Variants in PRELID2 observed in about 807,000 individuals in gnomAD.
PRELID2 encodes the protein PRELI domain-containing protein 2.
Under a neutral mutation model 28.4 loss-of-function variants are expected in PRELID2, and 25 were observed. The ratio of observed to expected loss-of-function variants is 0.88; its 90% CI spans 0.64 to 1.23. PRELID2 has a LOEUF of 1.23. Among genes scored for constraint, PRELID2 ranks in the 50% most tolerant of loss-of-function variants. The pLI, the probability that PRELID2 is intolerant of heterozygous loss-of-function variation, is 0.00. For missense variants in PRELID2, 201 were observed against 214.4 expected (o/e 0.94, Z 0.39); for synonymous variants, 76 against 71.6 (o/e 1.06, Z -0.31).
chr5:145,375,363 C>G, the PRELID2 span, among the ~76,000 whole-genome samples: 2 of 152,112 alleles, frequency 1.3e-5, no homozygotes, highest in East Asian at 1.9e-4. Context: ...CTTCAGGAAT[C>G]TCTGACCTCA....
At chr5:145,507,425 T>C (rs1752421536) in intron 1 of PRELID2, among the ~76,000 whole-genome samples, 1 of 152,106 alleles carries the variant, frequency 6.6e-6, no homozygotes, top group South Asian at 2.1e-4. Flanking sequence ...GAGAGTAGCA[T>C]GTAGTAAGAT....
At chr5:145,746,299 C>A (rs1756990094) in intron 1 of PRELID2, among the ~76,000 whole-genome samples, 1 of 151,864 alleles carries the variant, frequency 6.6e-6, no homozygotes, top group East Asian at 1.9e-4. Flanking sequence ...CACATGGGCT[C>A]AAAATAAAGG....
At chr5:145,689,399 A>G (rs1755100386) in intron 1 of PRELID2, among the ~76,000 whole-genome samples, 1 of 152,194 alleles carries the variant, frequency 6.6e-6, no homozygotes, top group African/African-American at 2.4e-5. Flanking sequence ...ACAGAAAGGA[A>G]CAAGGCCCTG....
chr5:145,254,736 C>T, the PRELID2 span, among the ~76,000 whole-genome samples: 1 of 151,848 alleles, frequency 6.6e-6, no homozygotes, highest in Non-Finnish European at 1.5e-5. Flanking sequence ...TTTCAAAAAC[C>T]CGGCAGGCAT....
At chr5:145,740,675 AT>A (rs1231733491) in intron 1 of PRELID2, among the ~76,000 whole-genome samples, 4 of 53,366 alleles carry the variant, frequency 7.5e-5, no homozygotes, top group East Asian at 6.0e-4. Flanking sequence ...ATAAATATAT[AT>A]TTTATATTTA....
chr5:145,369,174 T>C, the PRELID2 span, among the ~76,000 whole-genome samples: 2 of 151,990 alleles, frequency 1.3e-5, no homozygotes, highest in Admixed American at 1.3e-4. Flanking sequence ...TTTTAAGTTC[T>C]GGAATACATA....
At chr5:145,520,265 G>A (rs186239417) in intron 1 of PRELID2, among the ~76,000 whole-genome samples, 13 of 152,276 alleles carry the variant, frequency 8.5e-5, no homozygotes, top group Middle Eastern at 3.4e-3. Context: ...GACTTCAATA[G>A]CAGCCATTCC....
At chr5:145,450,920 A>G in the PRELID2 span, 1 of 152,172 alleles carries the variant, frequency 6.6e-6, no homozygotes. Context: ...CACATCAGCT[A>G]TCTCATTTAA....
chr5:145,717,062 G>A (rs1755863787), intron 1 of PRELID2, among the ~76,000 whole-genome samples: 1 of 152,074 alleles, frequency 6.6e-6, no homozygotes, highest in East Asian at 1.9e-4. Context: ...AACTATATAA[G>A]AAGATATGGA....
chr5:145,572,162 T>C (rs1046933546), intron 1 of PRELID2, among the ~76,000 whole-genome samples: 7 of 152,174 alleles, frequency 4.6e-5, no homozygotes, highest in African/African-American at 1.7e-4. Flanking sequence ...AAAAAACCAA[T>C]TGCCAATCAG....
intron 1 of PRELID2, among the ~76,000 whole-genome samples, chr5:145,671,374 C>T (rs918999439): frequency 3.0e-4 from 46 of 152,128 alleles, no homozygotes; most frequent in African/African-American, 9.9e-4. Flanking sequence ...TGTTCTGTTT[C>T]CCAGAGTCCA....
chr5:145,803,035 T>C (rs1753242891), intron 4 of PRELID2, among the ~76,000 whole-genome samples: 1 of 152,186 alleles, frequency 6.6e-6, no homozygotes, highest in Non-Finnish European at 1.5e-5. Context: ...GATGGGAATC[T>C]AATTAAAGTG....
chr5:145,556,468 T>C (rs1561505657), intron 1 of PRELID2, among the ~76,000 whole-genome samples: 1 of 152,172 alleles, frequency 6.6e-6, no homozygotes, highest in Admixed American at 6.5e-5. Context: ...GCTATTTATT[T>C]CTTTCCATAA....
chr5:145,424,944 T>G, the PRELID2 span, among the ~76,000 whole-genome samples: 1 of 151,980 alleles, frequency 6.6e-6, no homozygotes, highest in African/African-American at 2.4e-5. Context: ...CTAAAGACCT[T>G]CTGCACAGCA....
the PRELID2 span, among the ~76,000 whole-genome samples, chr5:145,388,816 T>C: frequency 4.6e-4 from 70 of 152,282 alleles, no homozygotes; most frequent in Non-Finnish European, 6.3e-4. Context: ...GACCACCCAA[T>C]TTAAAGTAAC....
At chr5:145,417,626 A>C in the PRELID2 span, among the ~76,000 whole-genome samples, 18 of 152,174 alleles carry the variant, frequency 1.2e-4, no homozygotes, top group Admixed American at 2.0e-4. Context: ...TCACCATATA[A>C]ACAGAACTAA....
chr5:145,713,503 G>A (rs1287990414), intron 1 of PRELID2, among the ~76,000 whole-genome samples: 7 of 141,614 alleles, frequency 4.9e-5, no homozygotes, highest in Non-Finnish European at 1.1e-4. Flanking sequence ...ATATATGTAT[G>A]CCAGAAGACA....
intron 1 of PRELID2, among the ~76,000 whole-genome samples, chr5:145,510,465 G>A (rs1045870894): frequency 6.6e-6 from 1 of 152,190 alleles, no homozygotes; most frequent in Non-Finnish European, 1.5e-5. Flanking sequence ...CTCAGAGGGG[G>A]AGGCATTCTT....
At chr5:145,364,130 A>C in the PRELID2 span, among the ~76,000 whole-genome samples, 1 of 151,974 alleles carries the variant, frequency 6.6e-6, no homozygotes, top group Non-Finnish European at 1.5e-5. Context: ...TCAGAAGAAA[A>C]TAGGAGTGTG....
Sources: gnomAD v4.1 joint callset for allele counts (sites outside exome capture counted in the v4.1 genomes callset) on GRCh38, gnomAD v4.1.1 for gene constraint, MANE v1.5 for transcripts, NCBI Gene and HGNC (gene_info 2026-07-23, HGNC 2026-07-21) for gene names.